Variants in MAPK10 observed in about 807,000 individuals in gnomAD.
MAPK10 encodes the protein JNK3 alpha protein kinase.
MAPK10 carries 25 observed loss-of-function variants against 59.3 expected under a neutral mutation model. The observed-to-expected ratio is 0.42, with a 90% CI of 0.31 to 0.59. The LOEUF is 0.59. Among genes scored for constraint, MAPK10 ranks in the 20% least tolerant of loss-of-function variants. The probability of loss-of-function intolerance (pLI) is 0.15; values close to 1 mark genes in which losing one functional copy is unlikely to be tolerated. For missense variants in MAPK10, 351 were observed against 568.9 expected (o/e 0.62, Z 3.90); for synonymous variants, 190 against 200.5 (o/e 0.95, Z 0.44).
intron 2 of MAPK10, among the ~76,000 whole-genome samples, chr4:86,314,873 T>A (rs572414356): frequency 3.1e-4 from 47 of 152,232 alleles, no homozygotes; most frequent in African/African-American, 9.4e-4. Flanking sequence ...TCTTTCCTCT[T>A]AAAATGAAAG....
intron 2 of MAPK10, among the ~76,000 whole-genome samples, chr4:86,337,451 A>T: frequency 6.6e-6 from 1 of 152,210 alleles, no homozygotes; most frequent in East Asian, 1.9e-4. Flanking sequence ...AAGAAAGTAT[A>T]TAGTAAGTCT....
At chr4:86,278,443 T>C (rs1189836890) in intron 2 of MAPK10, among the ~76,000 whole-genome samples, 1 of 152,160 alleles carries the variant, frequency 6.6e-6, no homozygotes, top group Non-Finnish European at 1.5e-5. Flanking sequence ...TAAGGAAATA[T>C]GTTCTGAATC....
At chr4:86,314,626 A>G (rs2095740597) in intron 2 of MAPK10, among the ~76,000 whole-genome samples, 1 of 152,118 alleles carries the variant, frequency 6.6e-6, no homozygotes, top group African/African-American at 2.4e-5. Context: ...ATAGGTATAT[A>G]CATGTGCGAA....
At chr4:86,487,000 A>C (rs1754045183) in intron 1 of MAPK10, among the ~76,000 whole-genome samples, 1 of 152,204 alleles carries the variant, frequency 6.6e-6, no homozygotes, top group Admixed American at 6.5e-5. Context: ...ACATTCTGTC[A>C]CATAGCCGTC....
intron 1 of MAPK10, among the ~76,000 whole-genome samples, chr4:86,483,133 C>T (rs1753732910): frequency 6.6e-6 from 1 of 152,210 alleles, no homozygotes; most frequent in South Asian, 2.1e-4. Flanking sequence ...AGCACTGAAT[C>T]TTTGTCAAAA....
intron 1 of MAPK10, among the ~76,000 whole-genome samples, chr4:86,492,590 T>G (rs1285320068): frequency 2.6e-5 from 4 of 152,334 alleles, no homozygotes; most frequent in East Asian, 3.9e-4. Context: ...ATTTGTAAAG[T>G]GAGAATAATT....
intron 2 of MAPK10, among the ~76,000 whole-genome samples, chr4:86,324,078 T>A (rs2095964436): frequency 6.6e-6 from 1 of 152,082 alleles, no homozygotes; most frequent in African/African-American, 2.4e-5. Flanking sequence ...AACATCAACA[T>A]CAGAGTTTAA....
chr4:86,428,140 CTTT>C (rs201894847), intron 1 of MAPK10, among the ~76,000 whole-genome samples: 9 of 142,748 alleles, frequency 6.3e-5, no homozygotes, highest in Admixed American at 7.0e-5. Context: ...TTCAAAGTTA[CTTT>C]TTTTTTTTTT....
intron 2 of MAPK10, among the ~76,000 whole-genome samples, chr4:86,285,461 C>T (rs554761420): frequency 3.3e-5 from 5 of 152,118 alleles, no homozygotes; most frequent in South Asian, 4.2e-4. Context: ...GTGATCCACC[C>T]GCCTCGACCT....
chr4:86,192,056 C>A (rs921628485), intron 3 of MAPK10: 2 of 152,118 alleles, frequency 1.3e-5, no homozygotes, highest in Non-Finnish European at 2.9e-5. Context: ...ATATGAAATT[C>A]TGGGTTGAAA....
intron 1 of MAPK10, among the ~76,000 whole-genome samples, chr4:86,523,363 A>T (rs1757258691): frequency 6.6e-6 from 1 of 152,204 alleles, no homozygotes. Context: ...CTGGCTACAA[A>T]TACCTGGCTA....
At chr4:86,178,184 T>C (rs2199308) in intron 3 of MAPK10, among the ~76,000 whole-genome samples, 44,942 of 151,976 alleles carry the variant, frequency 0.3, 8,771 homozygotes, top group African/African-American at 0.56. Context: ...GGTCCAAAAG[T>C]ATCTTAGGTT....
intron 1 of MAPK10, among the ~76,000 whole-genome samples, chr4:86,515,918 G>A (rs748022718): frequency 3.4e-5 from 5 of 147,176 alleles, no homozygotes; most frequent in Non-Finnish European, 7.5e-5. Flanking sequence ...TTTTTGTTTT[G>A]CATTTGCTTT....
At chr4:86,537,085 A>C (rs1419256767) in intron 1 of MAPK10, among the ~76,000 whole-genome samples, 1 of 152,206 alleles carries the variant, frequency 6.6e-6, no homozygotes, top group Admixed American at 6.5e-5. Context: ...AGTAGGATGA[A>C]GAGGGAATAC....
intron 9 of MAPK10, among the ~76,000 whole-genome samples, chr4:86,092,399 T>C (rs1244440663): frequency 1.3e-5 from 2 of 152,042 alleles, no homozygotes; most frequent in African/African-American, 4.8e-5. Flanking sequence ...TAAATTTATA[T>C]AGATTTTTAT....
rs72868848 is a variant in MAPK10 at position 86,443,814 on chromosome 4, C to A, written c.-122+9216G>T. 1.3e-3 allele frequency among the ~76,000 whole-genome samples: 200 copies of A among 152,130 alleles called. 1 individual carries two copies. The highest frequency in any genetic ancestry group is 4.6e-3 in the African/African-American group (193 of 41,506). On this transcript the variant is annotated intron_variant, in intron 1 of 13. Coordinates refer to the MAPK10 transcript ENST00000361569. ...TGGCATGAATGTTACAATTGCCAGA[C>A]CATGAATTTAAAACAACTATGACTA...
intron 2 of MAPK10, among the ~76,000 whole-genome samples, chr4:86,268,914 T>C (rs752447791): frequency 5.3e-5 from 8 of 152,148 alleles, no homozygotes; most frequent in Admixed American, 2.0e-4. Context: ...AAATATATAC[T>C]TCTTGAGAAA....
At chr4:86,179,883 A>C (rs1166092045) in intron 3 of MAPK10, among the ~76,000 whole-genome samples, 1 of 151,998 alleles carries the variant, frequency 6.6e-6, no homozygotes, top group Non-Finnish European at 1.5e-5. Context: ...CTATAAAACT[A>C]CTAGAAGAAG....
chr4:86,377,409 T>A lies in MAPK10; in HGVS notation c.-121-22765A>T, dbSNP rs535326688. ...GGCAATGATAATGGCACTTCTACTG[T>A]GCCTCTGCAGTCAGGAGTTTCCCAG... On this transcript the variant is annotated intron_variant, in intron 1 of 13. Coordinates refer to the MAPK10 transcript ENST00000361569. Among the ~76,000 whole-genome samples the A allele has an allele frequency of 3.9e-5, 6 of 152,310 alleles. No individual in the cohort carries two copies. In the South Asian group the frequency reaches 1.2e-3, roughly 32 times the overall value.
Sources: gnomAD v4.1 joint callset for allele counts (sites outside exome capture counted in the v4.1 genomes callset) on GRCh38, gnomAD v4.1.1 for gene constraint, MANE v1.5 for transcripts, NCBI Gene and HGNC (gene_info 2026-07-23, HGNC 2026-07-21) for gene names.